BBS9: variants seen among roughly 807,000 people sequenced by gnomAD.
BBS9 encodes the protein Bardet-Biedl syndrome 9.
Under a neutral mutation model 117.7 loss-of-function variants are expected in BBS9, and 89 were observed. The ratio of observed to expected loss-of-function variants is 0.76; its 90% CI spans 0.64 to 0.90. The LOEUF is 0.90. Among genes scored for constraint, BBS9 ranks in the 40% least tolerant of loss-of-function variants. The pLI is 0.00. For missense variants in BBS9, 982 were observed against 1,042.2 expected, an observed-to-expected ratio of 0.94 and a Z score of 0.80; for synonymous variants, 379 against 370.9, an observed-to-expected ratio of 1.02 and a Z score of -0.25.
chr7:33,292,494 T>G (rs867701946), intron 9 of BBS9, among the ~76,000 whole-genome samples: 1 of 152,156 alleles, frequency 6.6e-6, no homozygotes, highest in African/African-American at 2.4e-5. Flanking sequence ...CCCAAAGTGC[T>G]GGGATTACAG....
chr7:33,546,587 A>G (rs533988755), intron 21 of BBS9, among the ~76,000 whole-genome samples: 4 of 152,310 alleles, frequency 2.6e-5, no homozygotes, highest in African/African-American at 7.2e-5. Flanking sequence ...TTCTAGCCAT[A>G]TCTTCTACAT....
At chr7:33,316,448 T>C (rs1810527487) in intron 9 of BBS9, among the ~76,000 whole-genome samples, 1 of 152,208 alleles carries the variant, frequency 6.6e-6, no homozygotes, top group African/African-American at 2.4e-5. Flanking sequence ...GGTTGTTATA[T>C]ATTTATTCTT....
At chr7:33,353,387 T>A (rs969773895) in intron 15 of BBS9, among the ~76,000 whole-genome samples, 1 of 152,280 alleles carries the variant, frequency 6.6e-6, no homozygotes, top group East Asian at 1.9e-4. Context: ...TCCCTCTAAC[T>A]TGCTTGGGTC....
chr7:33,398,316 C>T (rs191787799), intron 19 of BBS9, among the ~76,000 whole-genome samples: 4 of 152,234 alleles, frequency 2.6e-5, no homozygotes, highest in Non-Finnish European at 5.9e-5. Flanking sequence ...ACTTGTTTCT[C>T]TGGTCTCAGA....
intron 21 of BBS9, among the ~76,000 whole-genome samples, chr7:33,556,762 T>C (rs555212741): frequency 6.6e-6 from 1 of 152,136 alleles, no homozygotes; most frequent in Non-Finnish European, 1.5e-5. Flanking sequence ...ACAGAACTGC[T>C]CTAAGGTCTA....
At chr7:33,453,160 T>A (rs1426469733) in intron 19 of BBS9, among the ~76,000 whole-genome samples, 1 of 152,078 alleles carries the variant, frequency 6.6e-6, no homozygotes, top group Non-Finnish European at 1.5e-5. Flanking sequence ...GGGTTAAGAG[T>A]GGTGATATCA....
chr7:33,132,010 G>T (rs934595776), intron 1 of BBS9, among the ~76,000 whole-genome samples: 1 of 152,154 alleles, frequency 6.6e-6, no homozygotes, highest in African/African-American at 2.4e-5. Context: ...TTCTAATAAG[G>T]CATTAGAAAC....
intron 21 of BBS9, among the ~76,000 whole-genome samples, chr7:33,568,828 G>A (rs1337574136): frequency 6.6e-6 from 1 of 152,186 alleles, no homozygotes; most frequent in African/African-American, 2.4e-5. Flanking sequence ...GTATTTATTT[G>A]TGTAAAAGAA....
At chr7:33,212,695 A>G (rs1448243616) in intron 5 of BBS9, among the ~76,000 whole-genome samples, 1 of 152,276 alleles carries the variant, frequency 6.6e-6, no homozygotes, top group East Asian at 1.9e-4. Context: ...GTCCTTGAGA[A>G]GGCTTTCAGG....
chr7:33,518,245 C>CTTTTTTTTTTTTTTTTT (rs747829401), intron 20 of BBS9, among the ~76,000 whole-genome samples: 1 of 93,930 alleles, frequency 1.1e-5, no homozygotes, highest in Non-Finnish European at 2.0e-5. Flanking sequence ...TGTATATATT[C>CTTTTTTTTTTTTTTTTT]TTTTTTTTTT....
intron 19 of BBS9, among the ~76,000 whole-genome samples, chr7:33,463,120 AG>A (rs1282774546): frequency 6.6e-6 from 1 of 152,082 alleles, no homozygotes; most frequent in Non-Finnish European, 1.5e-5. Flanking sequence ...GACTTTTTAA[AG>A]GGAGTGGTAT....
At chr7:33,603,350 G>A (rs759571386) in intron 21 of BBS9, among the ~76,000 whole-genome samples, 17 of 151,816 alleles carry the variant, frequency 1.1e-4, no homozygotes, top group South Asian at 2.1e-4. Flanking sequence ...TGCCACCACC[G>A]CATATACCCT....
chr7:33,399,481 G>C (rs966300646), intron 19 of BBS9, among the ~76,000 whole-genome samples: 1 of 152,172 alleles, frequency 6.6e-6, no homozygotes, highest in Non-Finnish European at 1.5e-5. Context: ...GGCATATCAC[G>C]TCATCTCTCT....
At chr7:33,614,175 T>A (rs538388487) in intron 21 of BBS9, among the ~76,000 whole-genome samples, 3 of 152,232 alleles carry the variant, frequency 2.0e-5, no homozygotes, top group Admixed American at 2.0e-4. Flanking sequence ...AAAACTTCAG[T>A]GAAATGGTTA....
chr7:33,305,434 T>A (rs1807682058), intron 9 of BBS9, among the ~76,000 whole-genome samples: 3 of 152,182 alleles, frequency 2.0e-5, no homozygotes, highest in Admixed American at 2.0e-4. Flanking sequence ...GTAGAAAGAG[T>A]TAGGAAGTAT....
chr7:33,367,375 G>A (rs1821978161), intron 16 of BBS9, among the ~76,000 whole-genome samples: 1 of 151,838 alleles, frequency 6.6e-6, no homozygotes, highest in African/African-American at 2.4e-5. Context: ...TATTTTCTTT[G>A]ATACTCTAAT....
In BBS9 at chr7:33,231,595, A is replaced by AT. The variant is rs1482377323; in HGVS notation, c.443-25634dup. On this transcript the variant is annotated intron_variant, in intron 5 of 22. Transcript: ENST00000242067. ...TTTATGGTTCCATATAAACTTTGGG[A>AT]TTTTTTTCCTATTTCTGTGAAGAGT... is the stretch of plus-strand genomic sequence containing the variant. 4.0e-5 allele frequency among the ~76,000 whole-genome samples: 6 copies of AT among 150,884 alleles called. No individual in the cohort carries two copies. The South Asian group carries it at 1.0e-3, about 26-fold the overall frequency.
In BBS9 at chr7:33,333,222, C is replaced by T. The variant is rs147411625; in HGVS notation, c.1017-3219C>T. 2.6e-5 allele frequency among the ~76,000 whole-genome samples: 4 copies of T among 152,284 alleles called. No individual in the cohort carries two copies. The East Asian group carries it at 7.7e-4, about 29-fold the overall frequency. ...CCCTCACCCCTCTCCCAACCATCCC[C>T]TCCTGCCAGTCCCCAAAGTCCATGT... On this transcript the variant is annotated intron_variant, in intron 9 of 22. Transcript: ENST00000242067.
At chr7:33,495,260 A>T (rs1844552064) in intron 19 of BBS9, among the ~76,000 whole-genome samples, 1 of 152,146 alleles carries the variant, frequency 6.6e-6, no homozygotes, top group South Asian at 2.1e-4. Context: ...GCCCTACCTG[A>T]TCACGTGTAA....
Sources: gnomAD v4.1 joint callset for allele counts (sites outside exome capture counted in the v4.1 genomes callset) on GRCh38, gnomAD v4.1.1 for gene constraint, MANE v1.5 for transcripts, NCBI Gene and HGNC (gene_info 2026-07-23, HGNC 2026-07-21) for gene names.